Variants in CCDC146 observed in about 807,000 individuals in gnomAD.
CCDC146 encodes coiled-coil domain-containing protein 146.
In CCDC146, 92 loss-of-function variants were observed where a neutral mutation model predicts 119.3. The ratio of observed to expected loss-of-function variants is 0.77; its 90% CI spans 0.65 to 0.92. The LOEUF is 0.92. CCDC146 is among the 40% of genes least tolerant of loss of function. The pLI, the probability that CCDC146 is intolerant of heterozygous loss-of-function variation, is 0.00. For missense variants in CCDC146, 1,000 were observed against 1,103.0 expected, an observed-to-expected ratio of 0.91 and a Z score of 1.32; for synonymous variants, 372 against 371.8, an observed-to-expected ratio of 1.00 and a Z score of -0.01.
In CCDC146 at chr7:77,286,922, A is replaced by T; in HGVS notation, c.2273A>T (p.Asp758Val). 6.2e-7 allele frequency: 1 copy of T among 1,614,090 alleles called. No homozygotes were observed. Among genetic ancestry groups the T allele is most frequent in the Non-Finnish European group, 8.5e-7 (1 of 1,179,978 alleles). ...GAAAAAGAAATGATCCAAAAATTAG[A>T]CAAGGTAAACATTATTGCTTAAAAT... ...LTEKEMIQKL[D>V]KLELQLAKKE... The change falls in exon 16 of 19, where the codon GAC (aspartate) becomes GTC (valine). Residue 758 changes from aspartate to valine, a missense_variant. This residue lies in a region of CCDC146 where 985 missense variants were observed against 1,045.3 expected (regional missense o/e 0.94). Transcript: ENST00000285871.
chr7:77,129,136 G>A (rs1790748027), intron 1 of CCDC146, among the ~76,000 whole-genome samples: 1 of 152,032 alleles, frequency 6.6e-6, no homozygotes, highest in Admixed American at 6.5e-5. Context: ...GAAAATTCTG[G>A]AAATAACTTG....
At chr7:77,128,758 A>G (rs1264789958) in intron 1 of CCDC146, among the ~76,000 whole-genome samples, 2 of 152,134 alleles carry the variant, frequency 1.3e-5, no homozygotes, top group African/African-American at 2.4e-5. Flanking sequence ...GTCTCTCTGA[A>G]TAGAGGAACT....
At chr7:77,289,179 G>A (rs148253415) in intron 17 of CCDC146, among the ~76,000 whole-genome samples, 81 of 152,304 alleles carry the variant, frequency 5.3e-4, no homozygotes, top group African/African-American at 1.8e-3. Context: ...TTAAATAAAC[G>A]TTGCCTTCCT....
intron 2 of CCDC146, among the ~76,000 whole-genome samples, chr7:77,227,100 A>G (rs1323558039): frequency 1.3e-5 from 2 of 152,138 alleles, no homozygotes; most frequent in Non-Finnish European, 2.9e-5. Context: ...TACCTTTTCC[A>G]ATTTATGTAG....
intron 1 of CCDC146, among the ~76,000 whole-genome samples, chr7:77,134,005 C>T (rs3114332): frequency 0.2 from 30,276 of 151,814 alleles, 3,323 homozygotes; most frequent in Non-Finnish European, 0.21. Context: ...TTCTAAGACC[C>T]CTGTGGATAC....
intron 2 of CCDC146, among the ~76,000 whole-genome samples, chr7:77,177,112 A>G (rs1584044200): frequency 1.3e-5 from 2 of 152,288 alleles, no homozygotes; most frequent in South Asian, 2.1e-4. Context: ...CTGGGATTAC[A>G]GGTGTAAACC....
intron 4 of CCDC146, among the ~76,000 whole-genome samples, chr7:77,248,658 G>A (rs1053653945): frequency 6.6e-6 from 1 of 152,130 alleles, no homozygotes; most frequent in Non-Finnish European, 1.5e-5. Flanking sequence ...CAAGAAAAAT[G>A]AAAAATATTT....
At chr7:77,213,904 T>C (rs977840789) in intron 2 of CCDC146, among the ~76,000 whole-genome samples, 3 of 152,234 alleles carry the variant, frequency 2.0e-5, no homozygotes, top group Non-Finnish European at 2.9e-5. Flanking sequence ...ATGACTGCTA[T>C]GGTGAATAGT....
chr7:77,262,198 G>T lies in CCDC146; in HGVS notation c.1064G>T (p.Arg355Ile). Residue 355 changes from arginine to isoleucine, a missense_variant, in exon 9 of 19, where the codon AGA (arginine) becomes ATA (isoleucine). Physicochemically the swap from Arg to Ile is moderately conservative, Grantham distance 97 (BLOSUM62 -3). Transcript: ENST00000285871. ...CATGATGAACTTTCTCGTAAGCAAA[G>T]AGAGAAAGAACGAGATTTTCGAAAT... ...NYHDELSRKQ[R>I]EKERDFRNLR... is the part of the protein sequence containing the mutation. 6.2e-7 allele frequency: 1 copy of T among 1,613,860 alleles called. No individual in the cohort carries two copies. The highest frequency in any genetic ancestry group is 8.5e-7 in the Non-Finnish European group (1 of 1,179,872).
intron 4 of CCDC146, among the ~76,000 whole-genome samples, chr7:77,250,844 T>TC (rs59728794): frequency 4.0e-5 from 6 of 151,204 alleles, no homozygotes; most frequent in African/African-American, 1.2e-4. Context: ...TTTTTTTTTT[T>TC]CCAGTTTGGG....
chr7:77,207,688 A>G (rs1174429835), intron 2 of CCDC146, among the ~76,000 whole-genome samples: 1 of 152,182 alleles, frequency 6.6e-6, no homozygotes, highest in Admixed American at 6.5e-5. Flanking sequence ...GCCTTCCAGT[A>G]ACTTTCTTGC....
intron 1 of CCDC146, among the ~76,000 whole-genome samples, chr7:77,130,538 A>G (rs1790766391): frequency 6.6e-6 from 1 of 151,920 alleles, no homozygotes; most frequent in Non-Finnish European, 1.5e-5. Context: ...AAAAATCAGT[A>G]TCTTTAGAAG....
intron 2 of CCDC146, among the ~76,000 whole-genome samples, chr7:77,185,712 A>G (rs1052614631): frequency 2.0e-5 from 3 of 152,314 alleles, no homozygotes; most frequent in African/African-American, 4.8e-5. Context: ...AAGCGTCAAG[A>G]CCATCCAGGA....
rs191310698 is a variant in CCDC146 at position 77,256,543 on chromosome 7, G to A, written c.684+34G>A. ...CTTACCGTTGATATTTAAACATTGT[G>A]CCTTGCATGGATATAAAAGTGTGTG... On this transcript the variant is annotated intron_variant, in intron 6 of 18. Transcript: ENST00000285871. 129 of 1,541,584 alleles carry A rather than the reference G, an allele frequency of 8.4e-5. No homozygotes were observed. In the African/African-American group the frequency reaches 1.6e-3, roughly 19 times the overall value.
rs141439737 is a variant in CCDC146, at chr7:77,209,923, G to T, written c.157-27024G>T. On this transcript the variant is annotated intron_variant, in intron 2 of 18. Transcript: ENST00000285871. ...TCTCAAGGCTGCACAGAGCAGTGGG[G>T]CCCTAGGCCTGGCCCACAAAACCAT... Among the ~76,000 whole-genome samples, 1,457 of 152,294 alleles carry T rather than the reference G, an allele frequency of 9.6e-3. 27 individuals are homozygous for T. The highest frequency in any genetic ancestry group is 0.032 in the African/African-American group (1,342 of 41,558).
At chr7:77,183,450 A>T (rs1387497439) in intron 2 of CCDC146, among the ~76,000 whole-genome samples, 1 of 152,148 alleles carries the variant, frequency 6.6e-6, no homozygotes, top group African/African-American at 2.4e-5. Flanking sequence ...TTGACCTCAC[A>T]GTCAAATCCC....
chr7:77,175,012 G>C (rs2150412553), intron 2 of CCDC146, among the ~76,000 whole-genome samples: 1 of 151,954 alleles, frequency 6.6e-6, no homozygotes, highest in Non-Finnish European at 1.5e-5. Context: ...CATGTCCAGG[G>C]TTAATACAAG....
chr7:77,221,780 A>G (rs1792408604), intron 2 of CCDC146, among the ~76,000 whole-genome samples: 1 of 152,200 alleles, frequency 6.6e-6, no homozygotes, highest in Non-Finnish European at 1.5e-5. Context: ...TGATTCATTC[A>G]ACATTTTTGA....
intron 4 of CCDC146, among the ~76,000 whole-genome samples, chr7:77,253,077 T>A (rs769096468): frequency 1.2e-4 from 18 of 152,236 alleles, no homozygotes; most frequent in Non-Finnish European, 2.5e-4. Flanking sequence ...AATGACAGGA[T>A]AGAAGTGTAG....
Sources: gnomAD v4.1 joint callset for allele counts (sites outside exome capture counted in the v4.1 genomes callset) on GRCh38, gnomAD v4.1.1 for gene constraint, gnomAD v4.1.1 regional missense constraint, MANE v1.5 for transcripts, NCBI Gene and HGNC (gene_info 2026-07-23, HGNC 2026-07-21) for gene names.